TTLL6: variants seen among roughly 807,000 people sequenced by gnomAD.
TTLL6 encodes the protein tubulin tyrosine ligase like 6.
In TTLL6, 75 loss-of-function variants were observed where a neutral mutation model predicts 96.4. That is an observed-to-expected ratio of 0.78 (90% CI 0.65 to 0.94). The LOEUF (loss-of-function observed/expected upper bound fraction) is 0.94, where lower values mean the gene tolerates loss of function less well. Ranked by LOEUF, TTLL6 falls within the 40% of genes least tolerant of loss-of-function variation. The pLI, the probability that TTLL6 is intolerant of heterozygous loss-of-function variation, is 0.00. For missense variants in TTLL6, 1,030 were observed against 1,093.0 expected (o/e 0.94, Z 0.81); for synonymous variants, 411 against 419.4 (o/e 0.98, Z 0.24).
At position 48,791,427 on chromosome 17, in the gene TTLL6, A is replaced by G; in HGVS notation, c.1175T>C (p.Leu392Pro). The G allele has an allele frequency of 6.2e-7, 1 of 1,614,226 alleles. No homozygotes were observed. Among genetic ancestry groups the G allele is most frequent in the Non-Finnish European group, 8.5e-7 (1 of 1,180,044 alleles). ...GTGGTCCAACAAAATGTCAAAGCCC[A>G]GGATCTCAAAGCAGGCGCTGTTGAG... ...HTLNSACFEILGFDILLDHKL... is the reference protein window; with the variant it reads ...HTLNSACFEIPGFDILLDHKL... The change falls in exon 9 of 16, where the codon CTG (leucine) becomes CCG (proline). Residue 392 changes from leucine (L) to proline (P), a missense_variant. By Grantham distance (98) the Leu-to-Pro change is moderately conservative. Transcript: ENST00000393382.
chr17:48,777,687 T>G lies in TTLL6; in HGVS notation c.2040+7236A>C, dbSNP rs560448927. Among the ~76,000 whole-genome samples, 9 of 149,976 alleles carry G rather than the reference T, an allele frequency of 6.0e-5. No individual in the cohort carries two copies. In the East Asian group the frequency reaches 1.8e-3, roughly 29 times the overall value. Reference sequence around the variant, plus strand: ...CAGAAGTTGCAATGAGCTGAGGTCGTGCCATTGCACTCAAGCCTGGGCGAC... The same window carrying G: ...CAGAAGTTGCAATGAGCTGAGGTCGGGCCATTGCACTCAAGCCTGGGCGAC... On this transcript the variant is annotated intron_variant, in intron 13 of 15. Transcript: ENST00000393382.
chr17:48,776,312 T>C (rs1421426719), intron 13 of TTLL6, among the ~76,000 whole-genome samples: 1 of 151,816 alleles, frequency 6.6e-6, no homozygotes, highest in Non-Finnish European at 1.5e-5. Flanking sequence ...TAAAATAAAA[T>C]AAAAAAATTA....
chr17:48,799,379 G>T (rs994564912), intron 6 of TTLL6, among the ~76,000 whole-genome samples: 3 of 152,220 alleles, frequency 2.0e-5, no homozygotes, highest in Non-Finnish European at 2.9e-5. Context: ...GGCCAGCCTG[G>T]CAGGGCCAGA....
At chr17:48,771,660 CACATTAGTGTATATATAT>C (rs2038749983) in intron 13 of TTLL6, among the ~76,000 whole-genome samples, 1 of 138,818 alleles carries the variant, frequency 7.2e-6, no homozygotes, top group South Asian at 2.2e-4. Context: ...TGTATATATA[CACATTAGTGTATATATAT>C]ATATTTATCT....
At chr17:48,778,845 G>A (rs896239088) in intron 13 of TTLL6, among the ~76,000 whole-genome samples, 10 of 149,958 alleles carry the variant, frequency 6.7e-5, no homozygotes, top group African/African-American at 1.2e-4. Flanking sequence ...CAGGAGAATC[G>A]CTTGAACCCG....
rs541159694 is a variant in TTLL6 at position 48,788,104 on chromosome 17, C to T, written c.1401-105G>A. ...CGTCTAGGGCCAGATGGAGGCCTTG[C>T]ACATAATGGCGGTCAATCAGGATTT... On this transcript the variant is annotated intron_variant, in intron 10 of 15. Transcript: ENST00000393382. 3.0e-6 allele frequency: 3 copies of T among 999,468 alleles called. No individual in the cohort carries two copies. In the African/African-American group the frequency reaches 4.9e-5, roughly 16 times the overall value. 61.9% of individuals were successfully genotyped at this position (999,468 alleles called of 1,614,324 possible).
chr17:48,807,567 A>C (rs947506990), intron 1 of TTLL6, among the ~76,000 whole-genome samples: 4 of 152,094 alleles, frequency 2.6e-5, no homozygotes, highest in Admixed American at 6.6e-5. Context: ...GCTGAAGTGT[A>C]GTGGTGCAAT....
At chr17:48,777,011 G>GACACACACACACAC (rs71369215) in intron 13 of TTLL6, among the ~76,000 whole-genome samples, 52 of 141,492 alleles carry the variant, frequency 3.7e-4, no homozygotes, top group Admixed American at 1.1e-3. Context: ...CATAAGGATA[G>GACACACACACACAC]ACACACACAC....
chr17:48,771,069 C>T (rs2038734516), intron 13 of TTLL6, among the ~76,000 whole-genome samples: 1 of 152,162 alleles, frequency 6.6e-6, no homozygotes, highest in Non-Finnish European at 1.5e-5. Flanking sequence ...GCAGCAGAAG[C>T]CACAGACTTA....
At chr17:48,799,348 C>T (rs2143429180) in intron 6 of TTLL6, among the ~76,000 whole-genome samples, 1 of 152,356 alleles carries the variant, frequency 6.6e-6, no homozygotes, top group East Asian at 1.9e-4. Flanking sequence ...CTCTCCTAGC[C>T]CTAATGTGTT....
chr17:48,781,655 C>T (rs1009110883), intron 13 of TTLL6, among the ~76,000 whole-genome samples: 2 of 151,940 alleles, frequency 1.3e-5, no homozygotes, highest in Non-Finnish European at 2.9e-5. Flanking sequence ...ATTTTTGTTG[C>T]TGTTGAGATG....
At chr17:48,800,531 C>T (rs2039391236) in intron 5 of TTLL6, among the ~76,000 whole-genome samples, 1 of 152,140 alleles carries the variant, frequency 6.6e-6, no homozygotes, top group Admixed American at 6.5e-5. Flanking sequence ...CTGCTAAGCC[C>T]TGAAACTTGT....
intron 13 of TTLL6, among the ~76,000 whole-genome samples, chr17:48,782,530 G>A (rs1234369238): frequency 6.6e-6 from 1 of 152,186 alleles, no homozygotes; most frequent in Non-Finnish European, 1.5e-5. Flanking sequence ...CTGTGCAAAA[G>A]CTTTCAGTTT....
chr17:48,781,405 C>T (rs952483006), intron 13 of TTLL6, among the ~76,000 whole-genome samples: 1 of 152,148 alleles, frequency 6.6e-6, no homozygotes, highest in African/African-American at 2.4e-5. Context: ...CAGCATTTTA[C>T]ATTCCCATCA....
chr17:48,773,359 A>C (rs1282551816), intron 13 of TTLL6, among the ~76,000 whole-genome samples: 9 of 152,240 alleles, frequency 5.9e-5, no homozygotes, highest in Non-Finnish European at 8.8e-5. Context: ...AACCCTAAGT[A>C]AGATAAATAC....
At chr17:48,803,869 T>A (rs1254956979) in intron 3 of TTLL6, 22 bp downstream of exon 3, 1 of 1,551,522 alleles carries the variant, frequency 6.4e-7, no homozygotes, top group Non-Finnish European at 8.7e-7. Flanking sequence ...CCATTATAGA[T>A]CTCCTGAATG....
At chr17:48,777,048 A>ACACACACCCC (rs553043046) in intron 13 of TTLL6, among the ~76,000 whole-genome samples, 4 of 148,424 alleles carry the variant, frequency 2.7e-5, no homozygotes, top group South Asian at 2.3e-4. Flanking sequence ...ACACACACAC[A>ACACACACCCC]CCCCTAAAAA....
chr17:48,809,537 A>C (rs376469412), intron 1 of TTLL6, among the ~76,000 whole-genome samples: 40 of 152,258 alleles, frequency 2.6e-4, no homozygotes, highest in African/African-American at 9.6e-4. Flanking sequence ...AGTGGTAAGA[A>C]CAAGTCATGG....
intron 7 of TTLL6, 110 bp from the exon 8 acceptor site, chr17:48,796,256 AAGTTT>A: frequency 3.7e-6 from 3 of 815,142 alleles, no homozygotes. Flanking sequence ...AAAGAAAGGG[AAGTTT>A]TAGGGCTTAT....
Sources: gnomAD v4.1 joint callset for allele counts (sites outside exome capture counted in the v4.1 genomes callset) on GRCh38, gnomAD v4.1.1 for gene constraint, MANE v1.5 for transcripts, NCBI Gene and HGNC (gene_info 2026-07-23, HGNC 2026-07-21) for gene names.